Variants in ERC2 observed in about 807,000 individuals in gnomAD.
The protein encoded by ERC2 is ELKS/RAB6-interacting/CAST family member 2.
Under a neutral mutation model 114.8 loss-of-function variants are expected in ERC2, and 42 were observed. That is an observed-to-expected ratio of 0.37 (90% CI 0.29 to 0.47). ERC2 has a LOEUF of 0.47. Among genes scored for constraint, ERC2 ranks in the 20% least tolerant of loss-of-function variants. The pLI is 0.99. For missense variants in ERC2, 939 were observed against 1,150.7 expected, an observed-to-expected ratio of 0.82 and a Z score of 2.66; for synonymous variants, 454 against 425.5, an observed-to-expected ratio of 1.07 and a Z score of -0.82.
intron 15 of ERC2, among the ~76,000 whole-genome samples, chr3:55,733,193 C>T (rs532809818): frequency 2.6e-5 from 4 of 152,188 alleles, no homozygotes; most frequent in East Asian, 1.9e-4. Context: ...CAAAGAAAGA[C>T]GCTCATTTTG....
At chr3:55,642,097 A>G (rs921637768) in intron 17 of ERC2, among the ~76,000 whole-genome samples, 2 of 152,212 alleles carry the variant, frequency 1.3e-5, no homozygotes, top group African/African-American at 4.8e-5. Flanking sequence ...TAGGCACTCA[A>G]TATTTGCTGA....
chr3:55,983,723 G>A (rs1180353872), intron 12 of ERC2, among the ~76,000 whole-genome samples: 1 of 151,948 alleles, frequency 6.6e-6, no homozygotes, highest in Non-Finnish European at 1.5e-5. Context: ...CATAAACTAT[G>A]GTAAGAAAGA....
At chr3:56,117,544 C>T (rs1380524330) in intron 6 of ERC2, among the ~76,000 whole-genome samples, 1 of 152,194 alleles carries the variant, frequency 6.6e-6, no homozygotes, top group Non-Finnish European at 1.5e-5. Context: ...GTATCCATTT[C>T]ACCCCTTCCT....
At chr3:56,171,705 TCAAA>T (rs936016132) in intron 4 of ERC2, among the ~76,000 whole-genome samples, 9 of 151,976 alleles carry the variant, frequency 5.9e-5, no homozygotes, top group Non-Finnish European at 8.8e-5. Context: ...CAAACTAGGA[TCAAA>T]CAGATTTTTC....
chr3:55,899,495 G>A (rs2064013453), intron 13 of ERC2, among the ~76,000 whole-genome samples: 1 of 152,120 alleles, frequency 6.6e-6, no homozygotes, highest in Admixed American at 6.5e-5. Context: ...TGGAATACGT[G>A]TGTGAGTGTG....
At chr3:55,968,771 G>A (rs1289832783) in intron 12 of ERC2, among the ~76,000 whole-genome samples, 1 of 152,148 alleles carries the variant, frequency 6.6e-6, no homozygotes, top group Non-Finnish European at 1.5e-5. Flanking sequence ...ATGAATAGCT[G>A]CTAACTCCAG....
intron 9 of ERC2, among the ~76,000 whole-genome samples, chr3:56,010,084 A>G (rs1486567012): frequency 6.6e-6 from 1 of 152,172 alleles, no homozygotes; most frequent in African/African-American, 2.4e-5. Flanking sequence ...CAGACACCCA[A>G]TAAAGTAGAG....
chr3:56,431,686 G>A (rs9856358), intron 2 of ERC2, among the ~76,000 whole-genome samples: 121,008 of 152,126 alleles, frequency 0.8, 48,266 homozygotes, highest in East Asian at 0.93. Flanking sequence ...TTTTTTAATA[G>A]CTTGTTTTTT....
At chr3:56,177,196 AAATT>A (rs1384893158) in intron 3 of ERC2, among the ~76,000 whole-genome samples, 1 of 152,230 alleles carries the variant, frequency 6.6e-6, no homozygotes, top group Non-Finnish European at 1.5e-5. Flanking sequence ...GCTACAAGGC[AAATT>A]AATACCTTAT....
chr3:56,033,085 A>AAAGT (rs780022057), intron 7 of ERC2, among the ~76,000 whole-genome samples: 2 of 145,030 alleles, frequency 1.4e-5, no homozygotes, highest in African/African-American at 2.6e-5. Context: ...AGAAAGAAAG[A>AAAGT]AAAGTAAAGT....
At chr3:55,636,480 T>C (rs1423182375) in intron 17 of ERC2, among the ~76,000 whole-genome samples, 2 of 152,176 alleles carry the variant, frequency 1.3e-5, no homozygotes, top group African/African-American at 2.4e-5. Context: ...TGGGACACTT[T>C]GTGGGCTTGG....
intron 15 of ERC2, among the ~76,000 whole-genome samples, chr3:55,716,372 A>G (rs556481636): frequency 2.6e-5 from 4 of 152,224 alleles, no homozygotes; most frequent in Admixed American, 1.3e-4. Flanking sequence ...TTCAGCCTCC[A>G]TAACAGTTGG....
intron 4 of ERC2, among the ~76,000 whole-genome samples, chr3:56,172,859 A>C (rs1363983465): frequency 6.6e-6 from 1 of 152,222 alleles, no homozygotes; most frequent in Non-Finnish European, 1.5e-5. Context: ...TTCTCTCAGA[A>C]GGATTTTTCT....
intron 17 of ERC2, among the ~76,000 whole-genome samples, chr3:55,523,893 T>C (rs558824506): frequency 2.6e-5 from 4 of 152,358 alleles, no homozygotes; most frequent in Admixed American, 2.6e-4. Context: ...AGATAATTTG[T>C]TGCTGCCATA....
chr3:56,153,978 G>C (rs1037392288), intron 4 of ERC2, among the ~76,000 whole-genome samples: 4 of 152,072 alleles, frequency 2.6e-5, no homozygotes, highest in African/African-American at 9.7e-5. Context: ...CTAATGTTCA[G>C]GAAACATACC....
chr3:55,875,714 ACACACACACACTCT>A (rs2062800789), intron 14 of ERC2, among the ~76,000 whole-genome samples: 1 of 147,324 alleles, frequency 6.8e-6, no homozygotes, highest in African/African-American at 2.6e-5. Flanking sequence ...ACACACACAC[ACACACACACACTCT>A]CTCTCTCTCA....
At chr3:56,306,951 A>G (rs1458087727) in intron 2 of ERC2, among the ~76,000 whole-genome samples, 1 of 152,190 alleles carries the variant, frequency 6.6e-6, no homozygotes, top group African/African-American at 2.4e-5. Flanking sequence ...TGAGCTCACA[A>G]TATGCTCAGC....
chr3:55,598,991 G>C (rs558495616), intron 17 of ERC2, among the ~76,000 whole-genome samples: 11 of 152,362 alleles, frequency 7.2e-5, no homozygotes, highest in African/African-American at 2.6e-4. Context: ...TGGATTGGCA[G>C]CTACTTGAAG....
chr3:55,732,000 C>A (rs2065277960), intron 15 of ERC2, among the ~76,000 whole-genome samples: 1 of 152,094 alleles, frequency 6.6e-6, no homozygotes, highest in African/African-American at 2.4e-5. Context: ...CTCTGAATTT[C>A]TCCCTGAACC....
Sources: allele counts gnomAD v4.1 joint callset (sites outside exome capture counted in the v4.1 genomes callset), GRCh38; gene constraint gnomAD v4.1.1; transcripts MANE v1.5; gene names NCBI Gene and HGNC (gene_info 2026-07-23, HGNC 2026-07-21).